PLAC1: variants seen among roughly 807,000 people sequenced by gnomAD.
PLAC1 encodes the protein placenta-specific protein 1.
For missense variants in PLAC1, 136 were observed against 163.2 expected (o/e 0.83, Z 0.91); for synonymous variants, 68 against 62.1 (o/e 1.09, Z -0.44).
chrX:134,761,203 A>G (rs921172353), intron 1 of PLAC1, among the ~76,000 whole-genome samples: 15 of 111,864 alleles, frequency 1.3e-4, no homozygotes, highest in Non-Finnish European at 5.6e-5. Flanking sequence ...AAATATATAG[A>G]TGGATTTGTT....
chrX:134,740,873 C>T (rs1012749651), intron 1 of PLAC1, among the ~76,000 whole-genome samples: 4 of 111,843 alleles, frequency 3.6e-5, no homozygotes, highest in African/African-American at 1.3e-4. Flanking sequence ...GAAGGATTCT[C>T]CCCTACAGCC....
At chrX:134,675,881 T>C (rs1189181732) in intron 2 of PLAC1, among the ~76,000 whole-genome samples, 1 of 110,893 alleles carries the variant, frequency 9.0e-6, no homozygotes, top group East Asian at 2.8e-4. Flanking sequence ...GAGGCTAGAG[T>C]AGCCCTCTTT....
chrX:134,699,139 T>C (rs766127628), intron 2 of PLAC1, among the ~76,000 whole-genome samples: 1 of 112,068 alleles, frequency 8.9e-6, no homozygotes, highest in East Asian at 2.8e-4. Flanking sequence ...TGGCCTCTGA[T>C]ATGGTTTGAA....
In PLAC1 at chrX:134,658,350, A is replaced by G. The variant is rs1304520311; in HGVS notation, c.-153T>C. On this transcript the variant is annotated 5_prime_UTR_variant, in exon 1 of 3. Transcript: ENST00000359237. ...TACCTGCCAAATTTCCAAAGGGAAG[A>G]AGGAACTTGCTGTGTCTGTATTTGC... 8.9e-6 allele frequency: 1 copy of G among 112,778 alleles called. No individual in the cohort carries two copies. The highest frequency in any genetic ancestry group is 1.9e-5 in the Non-Finnish European group (1 of 53,356). 9.3% of individuals were successfully genotyped at this position (112,778 alleles called of 1,213,427 possible).
intron 1 of PLAC1, among the ~76,000 whole-genome samples, chrX:134,618,177 C>A (rs1317184971): frequency 2.7e-5 from 3 of 111,731 alleles, no homozygotes; most frequent in Admixed American, 1.9e-4. Flanking sequence ...GTTGAACAGG[C>A]CAAACCCTAT....
At chrX:134,566,915 T>A (rs1034753551) in intron 2 of PLAC1, among the ~76,000 whole-genome samples, 175 bp from the exon 3 acceptor site, 2 of 112,564 alleles carry the variant, frequency 1.8e-5, no homozygotes, top group Non-Finnish European at 3.7e-5. Context: ...TATGGACGAT[T>A]ACAATGGCTT....
intron 2 of PLAC1, among the ~76,000 whole-genome samples, chrX:134,689,982 TC>T (rs995367198): frequency 1.3e-4 from 14 of 111,571 alleles, no homozygotes; most frequent in Non-Finnish European, 2.3e-4. Context: ...CTTTTTATTT[TC>T]CCCAACTGAA....
intron 2 of PLAC1, among the ~76,000 whole-genome samples, chrX:134,575,297 TTTG>T (rs2077931716): frequency 9.0e-6 from 1 of 111,037 alleles, no homozygotes; most frequent in East Asian, 2.8e-4. Context: ...ATAACGAAGA[TTTG>T]ACTTTGGGTG....
At chrX:134,759,634 T>C (rs987060429) in intron 1 of PLAC1, among the ~76,000 whole-genome samples, 5 of 111,949 alleles carry the variant, frequency 4.5e-5, no homozygotes, top group African/African-American at 1.6e-4. Context: ...ACTGCAGCAC[T>C]CTTCAAAATA....
chrX:134,573,126 T>C (rs1018169881), intron 2 of PLAC1, among the ~76,000 whole-genome samples: 3 of 111,716 alleles, frequency 2.7e-5, no homozygotes, highest in African/African-American at 9.8e-5. Flanking sequence ...TAAATATTCC[T>C]AAATAAATAC....
At chrX:134,577,403 C>T (rs1446681539) in intron 2 of PLAC1, among the ~76,000 whole-genome samples, 1 of 111,563 alleles carries the variant, frequency 9.0e-6, no homozygotes, top group Non-Finnish European at 1.9e-5. Flanking sequence ...AGTAGATGAT[C>T]TTTGGCCGGG....
rs1297177878 is a variant in PLAC1, at chrX:134,566,205, T to G, written c.478A>C (p.Asn160His). 1 of 1,209,909 alleles carries G rather than the reference T, an allele frequency of 8.3e-7. No individual in the cohort carries two copies. Among genetic ancestry groups the G allele is most frequent in the Admixed American group, 2.2e-5 (1 of 45,722 alleles). ...FSLSQSSQRP[N>H]CDCPPCVFSE... ...AAGACACAAGGTGGACAATCGCAGT[T>G]GGGCCTTTGACTGGACTGTGACAAG... is the stretch of plus-strand genomic sequence containing the variant. Residue 160 changes from asparagine to histidine, a missense_variant, in exon 3 of 3, where the codon AAC becomes CAC. Asn to His is a moderately conservative substitution (Grantham distance 68). Transcript: ENST00000359237.
chrX:134,711,841 G>A (rs2078628937), intron 2 of PLAC1, among the ~76,000 whole-genome samples: 1 of 110,694 alleles, frequency 9.0e-6, no homozygotes, highest in African/African-American at 3.3e-5. Context: ...TCAGATATTT[G>A]GCTGCTAGAT....
chrX:134,688,870 T>C (rs2078527340), intron 2 of PLAC1, among the ~76,000 whole-genome samples: 1 of 111,950 alleles, frequency 8.9e-6, no homozygotes, highest in African/African-American at 3.2e-5. Flanking sequence ...GGAAACTACC[T>C]TTACTTGGAT....
chrX:134,637,000 T>G (rs887458070), intron 1 of PLAC1, among the ~76,000 whole-genome samples: 3 of 112,641 alleles, frequency 2.7e-5, no homozygotes, highest in Non-Finnish European at 5.6e-5. Flanking sequence ...AGTTAAAGAC[T>G]GCAGCCAACA....
intron 1 of PLAC1, among the ~76,000 whole-genome samples, chrX:134,734,636 C>T (rs2078698079): frequency 8.9e-6 from 1 of 111,918 alleles, no homozygotes; most frequent in Non-Finnish European, 1.9e-5. Flanking sequence ...TCTGAACCTC[C>T]CTCCCTCAGC....
intron 2 of PLAC1, among the ~76,000 whole-genome samples, chrX:134,708,936 C>T (rs2078618964): frequency 9.0e-6 from 1 of 111,577 alleles, no homozygotes; most frequent in African/African-American, 3.3e-5. Context: ...TGATACTGTA[C>T]TCTAGTTATG....
chrX:134,576,815 C>T (rs755433867), intron 2 of PLAC1, among the ~76,000 whole-genome samples: 9 of 111,078 alleles, frequency 8.1e-5, no homozygotes, highest in African/African-American at 2.0e-4. Context: ...ACCCCAGGAA[C>T]GTCAAGAATT....
rs150713448 is a variant in PLAC1, at chrX:134,723,308, CT to C, written n.174+10126del. On this transcript the variant is annotated intron_variant and non_coding_transcript_variant, in intron 2 of 2. Transcript: ENST00000466797. ...ACCTTTTAGGTATAAAATTGTATTA[CT>C]TTTTTTTTTTTTTTTTGAGACAAGG... Among the ~76,000 whole-genome samples the C allele has an allele frequency of 8.8e-3, 844 of 96,242 alleles. 4 individuals are homozygous for C. Among genetic ancestry groups the C allele is most frequent in the African/African-American group, 0.019 (509 of 26,530 alleles). The allele number at this position is 96,242 out of a possible 115,157, so 83.6% of individuals were successfully genotyped here.
Sources: allele counts gnomAD v4.1 joint callset (sites outside exome capture counted in the v4.1 genomes callset), GRCh38; gene constraint gnomAD v4.1.1; transcripts MANE v1.5; gene names NCBI Gene and HGNC (gene_info 2026-07-23, HGNC 2026-07-21).